Variants in ZMIZ1 observed in about 807,000 individuals in gnomAD.
ZMIZ1 encodes zinc finger MIZ-type containing 1.
ZMIZ1 carries 17 observed loss-of-function variants against 113.9 expected under a neutral mutation model. The ratio of observed to expected loss-of-function variants is 0.15; its 90% CI spans 0.10 to 0.22. The LOEUF (loss-of-function observed/expected upper bound fraction) is 0.22. Ranked by LOEUF, ZMIZ1 falls within the 10% of genes least tolerant of loss-of-function variation. ZMIZ1 has a pLI of 1.00. For missense variants in ZMIZ1, 1,059 were observed against 1,477.8 expected, an observed-to-expected ratio of 0.72 and a Z score of 4.65; for synonymous variants, 607 against 603.1, an observed-to-expected ratio of 1.01 and a Z score of -0.09.
At chr10:79,186,258 C>A (rs981836657) in intron 4 of ZMIZ1, among the ~76,000 whole-genome samples, 4 of 152,222 alleles carry the variant, frequency 2.6e-5, no homozygotes, top group Non-Finnish European at 5.9e-5. Flanking sequence ...TTTGGGTGAT[C>A]TAAGCAGTTA....
intron 5 of ZMIZ1, among the ~76,000 whole-genome samples, chr10:79,203,611 C>T (rs1212566002): frequency 2.6e-5 from 4 of 152,172 alleles, no homozygotes; most frequent in African/African-American, 4.8e-5. Flanking sequence ...CCGAGACCTG[C>T]TCTCAGCCTC....
chr10:79,208,722 C>G (rs987548985), intron 6 of ZMIZ1, among the ~76,000 whole-genome samples: 1 of 152,218 alleles, frequency 6.6e-6, no homozygotes, highest in African/African-American at 2.4e-5. Context: ...CTTTGCAGGT[C>G]ACTGTTCCAT....
At chr10:79,267,150 T>A (rs1482896931) in intron 7 of ZMIZ1, among the ~76,000 whole-genome samples, 1 of 152,186 alleles carries the variant, frequency 6.6e-6, no homozygotes, top group Non-Finnish European at 1.5e-5. Context: ...AATGAGTGCC[T>A]GTCGGGGTGG....
intron 1 of ZMIZ1, among the ~76,000 whole-genome samples, chr10:79,072,318 A>G (rs1425864583): frequency 6.6e-6 from 1 of 152,218 alleles, no homozygotes; most frequent in Non-Finnish European, 1.5e-5. Context: ...CGATGTCTCC[A>G]TCCCTGGCCC....
At chr10:79,212,672 C>G (rs1848571569) in intron 6 of ZMIZ1, among the ~76,000 whole-genome samples, 1 of 151,732 alleles carries the variant, frequency 6.6e-6, no homozygotes, top group Admixed American at 6.6e-5. Context: ...AGGAGAATTC[C>G]TTGAACTCAG....
At chr10:79,263,846 G>A (rs1436285376) in intron 7 of ZMIZ1, among the ~76,000 whole-genome samples, 2 of 152,112 alleles carry the variant, frequency 1.3e-5, no homozygotes, top group Non-Finnish European at 2.9e-5. Flanking sequence ...TTTGACCCTA[G>A]GGAAGGCCCA....
chr10:79,077,336 C>G (rs1202687076), intron 1 of ZMIZ1, among the ~76,000 whole-genome samples: 1 of 152,220 alleles, frequency 6.6e-6, no homozygotes. Flanking sequence ...GAAACCCTTT[C>G]CTGGTGTGTG....
chr10:79,123,467 TC>T (rs1844384989), intron 2 of ZMIZ1, among the ~76,000 whole-genome samples: 1 of 152,192 alleles, frequency 6.6e-6, no homozygotes, highest in South Asian at 2.1e-4. Context: ...TCTGGCACTT[TC>T]TAGCATGAAG....
intron 10 of ZMIZ1, among the ~76,000 whole-genome samples, chr10:79,291,389 G>A (rs942496562): frequency 2.0e-5 from 3 of 152,222 alleles, no homozygotes; most frequent in African/African-American, 7.2e-5. Context: ...TCTGACAGTC[G>A]TCAGACTCGT....
At chr10:79,268,188 G>A (rs1229428289) in intron 7 of ZMIZ1, among the ~76,000 whole-genome samples, 1 of 152,222 alleles carries the variant, frequency 6.6e-6, no homozygotes, top group Non-Finnish European at 1.5e-5. Context: ...AGCAGAGGAC[G>A]ACCAGGGCTG....
chr10:79,107,385 AG>A (rs1275187001), intron 1 of ZMIZ1, among the ~76,000 whole-genome samples: 3 of 152,330 alleles, frequency 2.0e-5, no homozygotes, highest in Admixed American at 6.5e-5. Context: ...CATTGATAAA[AG>A]GGGTGTAGAC....
At chr10:79,090,694 G>A (rs1842958953) in intron 1 of ZMIZ1, among the ~76,000 whole-genome samples, 2 of 152,196 alleles carry the variant, frequency 1.3e-5, no homozygotes, top group Non-Finnish European at 1.5e-5. Flanking sequence ...TCCTTTCACG[G>A]GTCCATCTGG....
At chr10:79,243,672 C>T (rs1160024437) in intron 7 of ZMIZ1, 3 of 302,198 alleles carry the variant, frequency 9.9e-6, no homozygotes, top group Non-Finnish European at 2.0e-5. Flanking sequence ...CTCGCCGCGG[C>T]CGCCGCCGGC....
chr10:79,101,960 C>T (rs1013042475), intron 1 of ZMIZ1, among the ~76,000 whole-genome samples: 12 of 152,320 alleles, frequency 7.9e-5, no homozygotes, highest in African/African-American at 2.4e-4. Flanking sequence ...CCAGGTCACA[C>T]GGCAAGTGGG....
Position 79,291,059 on chromosome 10 carries a change from C to G in ZMIZ1, c.641C>G (p.Pro214Arg), listed in dbSNP as rs771145374. ...MTTSNPGLNSPQFAGQQQQFS... is the reference protein window; with the variant it reads ...MTTSNPGLNSRQFAGQQQQFS... ...ACCAGCAACCCAGGCCTCAACTCCC[C>G]ACAGTTTGCGGGGCAGCAGCAGCAG... The change falls in exon 10 of 25, where the codon CCA becomes CGA. Residue 214 changes from proline to arginine, a missense_variant. Around this residue, in one of 6 missense-constraint regions of ZMIZ1, gnomAD observed 272 missense variants for 350.4 expected, o/e 0.78. Transcript: ENST00000334512. 6.2e-7 allele frequency: 1 copy of G among 1,614,244 alleles called. No homozygotes were observed. The highest frequency in any genetic ancestry group is 1.1e-5 in the South Asian group (1 of 91,088).
intron 2 of ZMIZ1, among the ~76,000 whole-genome samples, chr10:79,128,819 T>C (rs1174803086): frequency 1.4e-5 from 2 of 142,574 alleles, no homozygotes; most frequent in Non-Finnish European, 3.0e-5. Context: ...GGCTTTGGGA[T>C]CATTCCAGTG....
intron 21 of ZMIZ1, 130 bp from the exon 22 acceptor site, chr10:79,305,970 T>A (rs945711801): frequency 7.1e-5 from 99 of 1,402,010 alleles, no homozygotes; most frequent in Non-Finnish European, 8.7e-5. Flanking sequence ...TTCCGCCTCG[T>A]CCACAGTGTG....
chr10:79,078,570 C>CTTTTTTTTTTTT (rs34178865), intron 1 of ZMIZ1, among the ~76,000 whole-genome samples: 3 of 87,812 alleles, frequency 3.4e-5, no homozygotes, highest in African/African-American at 4.7e-5. Context: ...CCACCCCCGA[C>CTTTTTTTTTTTT]TTTTTTTTTT....
chr10:79,221,988 T>C (rs528050260), intron 7 of ZMIZ1, among the ~76,000 whole-genome samples: 48 of 152,338 alleles, frequency 3.2e-4, no homozygotes, highest in South Asian at 3.1e-3. Flanking sequence ...CCAGGAGGCC[T>C]TGGAGCTTCC....
Sources: gnomAD v4.1 joint callset for allele counts (sites outside exome capture counted in the v4.1 genomes callset) on GRCh38, gnomAD v4.1.1 for gene constraint, gnomAD v4.1.1 regional missense constraint, MANE v1.5 for transcripts, NCBI Gene and HGNC (gene_info 2026-07-23, HGNC 2026-07-21) for gene names.